The following ZNF273 variants were observed in gnomAD, a reference collection of about 807,000 sequenced individuals.
The protein encoded by ZNF273 is zinc finger protein 273, also known as zinc finger protein 9.
In ZNF273, 11 loss-of-function variants were observed where a neutral mutation model predicts 14.9. The observed-to-expected ratio is 0.74, with a 90% CI of 0.46 to 1.22. The LOEUF (loss-of-function observed/expected upper bound fraction) is 1.22, where lower values mean the gene tolerates loss of function less well. Ranked by LOEUF, ZNF273 falls within the 50% of genes most tolerant of loss-of-function variation. ZNF273 has a pLI of 0.00. For synonymous variants in ZNF273, 199 were observed against 223.9 expected (o/e 0.89, Z 0.99); for missense variants, 577 against 660.6 (o/e 0.87, Z 1.39).
At chr7:64,907,277 C>T (rs1793182306) in intron 1 of ZNF273, among the ~76,000 whole-genome samples, 1 of 152,168 alleles carries the variant, frequency 6.6e-6, no homozygotes, top group South Asian at 2.1e-4. Context: ...TTCTTTCCAT[C>T]AACTGTTCCT....
chr7:64,932,221 T>C (rs969847743), downstream of ZNF273, among the ~76,000 whole-genome samples: 3 of 36,188 alleles, frequency 8.3e-5, no homozygotes, highest in Non-Finnish European at 1.1e-4. Flanking sequence ...TTTTAACTGT[T>C]TGTAAAAAAA....
At chr7:64,877,714 C>T (rs1334474696) in exon 1 of ZNF273, 1 of 152,328 alleles carries the variant, frequency 6.6e-6, no homozygotes, top group Admixed American at 6.5e-5. Flanking sequence ...GGGATAGTCC[C>T]GCGATCCTAG....
rs576005446 is a variant in ZNF273, at chr7:64,925,092, G to A, written c.326-2562G>A. Among the ~76,000 whole-genome samples, 205 of 152,048 alleles carry A rather than the reference G, an allele frequency of 1.3e-3. 1 individual carries two copies. The highest frequency in any genetic ancestry group is 4.5e-3 in the African/African-American group (188 of 41,496). On this transcript the variant is annotated intron_variant, in intron 3 of 3. Transcript: ENST00000476120. ...GCTGGGATTACAGGCATGAGCCACC[G>A]TGCCTGGCCGATTTTTCAATTTTTT...
intron 3 of ZNF273, 127 bp from the exon 4 acceptor site, chr7:64,927,527 T>A: frequency 2.7e-6 from 2 of 751,012 alleles, no homozygotes; most frequent in East Asian, 5.5e-5. Context: ...TGTGAAGGAA[T>A]TAGGGCCTGT....
chr7:64,935,117 C>T (rs1312215836), downstream of ZNF273, among the ~76,000 whole-genome samples: 2 of 152,056 alleles, frequency 1.3e-5, no homozygotes, highest in African/African-American at 2.4e-5. Flanking sequence ...GCTACTGACT[C>T]GTGTGTTGAT....
chr7:64,906,402 T>C (rs74936200), intron 1 of ZNF273, among the ~76,000 whole-genome samples: 1 of 152,260 alleles, frequency 6.6e-6, no homozygotes, highest in African/African-American at 2.4e-5. Context: ...TGGATACTTT[T>C]GCTTTTCTTG....
upstream of ZNF273, among the ~76,000 whole-genome samples, chr7:64,899,353 T>A (rs1354909641): frequency 6.6e-6 from 1 of 152,248 alleles, no homozygotes; most frequent in Non-Finnish European, 1.5e-5. Context: ...CATAACTATT[T>A]ATGCCTTCAG....
chr7:64,934,938 AT>A (rs1398741297), downstream of ZNF273, among the ~76,000 whole-genome samples: 2 of 152,128 alleles, frequency 1.3e-5, no homozygotes, highest in African/African-American at 4.8e-5. Flanking sequence ...AATTAGTACT[AT>A]TTAATTGGTT....
chr7:64,880,640 C>A (rs1381946957), downstream of ZNF273, among the ~76,000 whole-genome samples: 2 of 152,000 alleles, frequency 1.3e-5, no homozygotes. Flanking sequence ...GGCTGCGGGG[C>A]TCCGTGTCCT....
chr7:64,888,530 G>A lies in ZNF273; in HGVS notation n.274-43G>A, dbSNP rs1037832726. ...ATTGATGGTGAGAATTAAGAGATAC[G>A]AAACCCATTCGTTCTTTATTATGAT... is the stretch of plus-strand genomic sequence containing the variant. On this transcript the variant is annotated intron_variant and non_coding_transcript_variant, in intron 1 of 1. Coordinates refer to the ZNF273 transcript ENST00000471926. The A allele has an allele frequency of 8.1e-6, 8 of 985,702 alleles. No homozygotes were observed. The Admixed American group carries it at 1.8e-4, about 23-fold the overall frequency. 61.1% of individuals were successfully genotyped at this position (985,702 alleles called of 1,614,324 possible). A position where few individuals can be genotyped will look rare whatever the true frequency, so the allele number is the denominator to read the frequency against.
At chr7:64,915,746 G>A (rs191221239) in intron 1 of ZNF273, among the ~76,000 whole-genome samples, 125 of 152,306 alleles carry the variant, frequency 8.2e-4, no homozygotes, top group African/African-American at 2.9e-3. Flanking sequence ...ATTTTGGGGG[G>A]CCTGTTTCCA....
At position 64,929,253 on chromosome 7, in the gene ZNF273, T is replaced by A; in HGVS notation, c.*215T>A. 2.7e-6 allele frequency: 1 copy of A among 367,994 alleles called. No homozygotes were observed. Among genetic ancestry groups the A allele is most frequent in the Non-Finnish European group, 4.8e-6 (1 of 208,746 alleles). 22.8% of individuals were successfully genotyped at this position (367,994 alleles called of 1,614,324 possible). A position where few individuals can be genotyped will look rare whatever the true frequency, so the allele number is the denominator to read the frequency against. On this transcript the variant is annotated 3_prime_UTR_variant, in exon 4 of 4. Coordinates refer to ENST00000476120, the MANE Select transcript of ZNF273 (RefSeq NM_021148.3). ...TGGTATTTAATAAAAGCATTATCAA[T>A]GAAATTACTGTCAAAAGATCTTTCA... is the stretch of plus-strand genomic sequence containing the variant.
chr7:64,932,644 C>G (rs895581103), downstream of ZNF273, among the ~76,000 whole-genome samples: 1 of 152,092 alleles, frequency 6.6e-6, no homozygotes, highest in Non-Finnish European at 1.5e-5. Flanking sequence ...AAATCTGACT[C>G]GGCACGGTGG....
downstream of ZNF273, chr7:64,933,639 C>T (rs2129111180): frequency 6.6e-6 from 1 of 152,262 alleles, no homozygotes; most frequent in Non-Finnish European, 1.5e-5. Context: ...GTGATTATGA[C>T]AGATGACAAA....
downstream of ZNF273, among the ~76,000 whole-genome samples, chr7:64,883,808 T>C (rs184137938): frequency 7.9e-5 from 12 of 152,280 alleles, no homozygotes; most frequent in Admixed American, 7.2e-4. Context: ...GGCCTAGAGT[T>C]TCCTTGGTCT....
At chr7:64,896,827 A>G (rs1383966556) in intron 3 of ZNF273, among the ~76,000 whole-genome samples, 1 of 152,226 alleles carries the variant, frequency 6.6e-6, no homozygotes, top group Non-Finnish European at 1.5e-5. Context: ...AAAAATAAAA[A>G]GAGGTAAAAG....
chr7:64,914,925 C>CTGAAAAAATGGCCTT (rs1793853412), intron 1 of ZNF273, among the ~76,000 whole-genome samples: 1 of 133,398 alleles, frequency 7.5e-6, no homozygotes, highest in Non-Finnish European at 1.5e-5. Flanking sequence ...AAAAAATGGC[C>CTGAAAAAATGGCCTT]TTTTTTTTTT....
chr7:64,919,514 C>T (rs778342230), intron 3 of ZNF273, among the ~76,000 whole-genome samples: 6 of 151,696 alleles, frequency 4.0e-5, no homozygotes, highest in African/African-American at 7.3e-5. Flanking sequence ...TGGTGGTGTA[C>T]GCCAGCTACT....
rs201596988 is a variant in ZNF273, at chr7:64,925,245, GTC to G, written c.326-2404_326-2403del. Among the ~76,000 whole-genome samples the G allele has an allele frequency of 9.9e-3, 1,500 of 151,840 alleles. 28 individuals carry two copies. Among genetic ancestry groups the G allele is most frequent in the African/African-American group, 0.033 (1,345 of 41,364 alleles). On this transcript the variant is annotated intron_variant, in intron 3 of 3. Coordinates refer to ENST00000476120, the MANE Select transcript of ZNF273 (RefSeq NM_021148.3). ...AGTTTTATTTGATTCTTGTATCTTT[GTC>G]TCTCATTTTCTTTATCTTCTGTGTG...
Sources: gnomAD v4.1 joint callset for allele counts (sites outside exome capture counted in the v4.1 genomes callset) on GRCh38, gnomAD v4.1.1 for gene constraint, MANE v1.5 for transcripts, NCBI Gene and HGNC (gene_info 2026-07-23, HGNC 2026-07-21) for gene names.